The following LMBR1 variants were observed in gnomAD, a reference collection of about 807,000 sequenced individuals.
LMBR1 encodes the protein limb region 1 protein homolog.
In LMBR1, 52 loss-of-function variants were observed where a neutral mutation model predicts 73.9. The observed-to-expected ratio is 0.70, with a 90% CI of 0.56 to 0.89. The LOEUF (loss-of-function observed/expected upper bound fraction) is 0.89, where lower values mean the gene tolerates loss of function less well. LMBR1 is among the 40% of genes least tolerant of loss of function. The pLI is 0.00. For synonymous variants in LMBR1, 215 were observed against 209.4 expected, an observed-to-expected ratio of 1.03 and a Z score of -0.23; for missense variants, 539 against 579.8, an observed-to-expected ratio of 0.93 and a Z score of 0.72.
At chr7:156,781,430 T>A (rs960642610) in intron 5 of LMBR1, among the ~76,000 whole-genome samples, 8 of 152,122 alleles carry the variant, frequency 5.3e-5, no homozygotes, top group Non-Finnish European at 7.3e-5. Context: ...GGTTTCCACA[T>A]TTCCTGCATC....
intron 4 of LMBR1, among the ~76,000 whole-genome samples, chr7:156,802,197 G>A (rs1408984087): frequency 6.6e-6 from 1 of 152,190 alleles, no homozygotes; most frequent in Non-Finnish European, 1.5e-5. Context: ...TGGCTGGGCT[G>A]CTCTTGAACC....
chr7:156,841,373 C>G (rs1484457465), intron 1 of LMBR1, among the ~76,000 whole-genome samples: 2 of 152,046 alleles, frequency 1.3e-5, no homozygotes, highest in Admixed American at 6.6e-5. Flanking sequence ...TTTTTAAAAC[C>G]TTAGAATCAT....
downstream of LMBR1, chr7:156,676,347 A>G (rs2131780468): frequency 2.5e-6 from 4 of 1,613,518 alleles, no homozygotes; most frequent in South Asian, 1.1e-5. Context: ...CATGGTTCGC[A>G]TTTCAGTTTA....
intron 4 of LMBR1, among the ~76,000 whole-genome samples, chr7:156,798,875 A>C (rs1332318904): frequency 6.6e-6 from 1 of 152,054 alleles, no homozygotes. Context: ...AATATCTCAT[A>C]GTCTTTTTAA....
chr7:156,874,399 C>T (rs1315053783), intron 1 of LMBR1, among the ~76,000 whole-genome samples: 2 of 152,252 alleles, frequency 1.3e-5, no homozygotes, highest in African/African-American at 2.4e-5. Context: ...CACACCTCCC[C>T]GCAAGCGAGG....
rs1316339954 is a variant in LMBR1, at chr7:156,681,819, C to G, written c.*2259G>C. 6.6e-6 allele frequency: 1 copy of G among 152,278 alleles called. No individual in the cohort carries two copies. Among genetic ancestry groups the G allele is most frequent in the African/African-American group, 2.4e-5 (1 of 41,472 alleles). The allele number at this position is 152,278 out of a possible 1,614,324, so 9.4% of individuals were successfully genotyped here. A position where few individuals can be genotyped will look rare whatever the true frequency, so the allele number is the denominator to read the frequency against. On this transcript the variant is annotated 3_prime_UTR_variant, in exon 17 of 17. Coordinates refer to ENST00000353442, the MANE Select transcript of LMBR1 (RefSeq NM_022458.4). ...AGTAAAATGAGGACCCCCAGAGCGA[C>G]TGTCCTTACCAGGACTCAGAACGTT... is the stretch of plus-strand genomic sequence containing the variant.
chr7:156,719,872 T>C (rs1360568392), intron 15 of LMBR1, among the ~76,000 whole-genome samples: 12 of 152,268 alleles, frequency 7.9e-5, no homozygotes, highest in African/African-American at 2.9e-4. Context: ...CCCTATTTAA[T>C]AGATGGTGCT....
intron 4 of LMBR1, among the ~76,000 whole-genome samples, chr7:156,671,427 C>G (rs1488314435): frequency 2.6e-5 from 4 of 152,198 alleles, no homozygotes; most frequent in Non-Finnish European, 4.4e-5. Context: ...GAAAGAGATT[C>G]TAAAGCAAAG....
At chr7:156,881,832 A>G (rs1801141346) in intron 1 of LMBR1, among the ~76,000 whole-genome samples, 1 of 152,100 alleles carries the variant, frequency 6.6e-6, no homozygotes, top group Admixed American at 6.6e-5. Flanking sequence ...GAAGACGACA[A>G]GTGTTGACAA....
intron 5 of LMBR1, among the ~76,000 whole-genome samples, chr7:156,783,996 CT>C (rs1352301078): frequency 1.3e-3 from 174 of 135,654 alleles, no homozygotes; most frequent in Non-Finnish European, 2.1e-3. Context: ...GGGTTTTTTT[CT>C]GTTTTTTTTT....
At chr7:156,716,394 A>C (rs1238703739) in intron 15 of LMBR1, among the ~76,000 whole-genome samples, 1 of 152,226 alleles carries the variant, frequency 6.6e-6, no homozygotes, top group Non-Finnish European at 1.5e-5. Context: ...TCTGGAGGCA[A>C]ATTAAATTTA....
At chr7:156,743,697 T>C (rs1819322248) in intron 9 of LMBR1, among the ~76,000 whole-genome samples, 2 of 152,242 alleles carry the variant, frequency 1.3e-5, no homozygotes, top group Admixed American at 1.3e-4. Context: ...TTTATCCTTT[T>C]TGCCCATGTT....
chr7:156,846,921 T>A (rs1418133512), intron 1 of LMBR1, among the ~76,000 whole-genome samples: 1 of 152,122 alleles, frequency 6.6e-6, no homozygotes, highest in African/African-American at 2.4e-5. Context: ...AATGTACACA[T>A]ACATGCACTG....
intron 1 of LMBR1, among the ~76,000 whole-genome samples, chr7:156,852,958 A>G (rs1324945244): frequency 1.3e-5 from 2 of 148,850 alleles, no homozygotes; most frequent in South Asian, 4.2e-4. Flanking sequence ...TTTTTTTTTG[A>G]GACAGAGTCT....
intron 1 of LMBR1, among the ~76,000 whole-genome samples, chr7:156,839,589 TGAA>T (rs1282399155): frequency 6.6e-6 from 1 of 152,204 alleles, no homozygotes; most frequent in East Asian, 1.9e-4. Flanking sequence ...TGTGTATTTC[TGAA>T]GAAGTACTGG....
At chr7:156,831,344 C>G (rs1463201083) in intron 3 of LMBR1, among the ~76,000 whole-genome samples, 1 of 142,810 alleles carries the variant, frequency 7.0e-6, no homozygotes, top group Non-Finnish European at 1.5e-5. Flanking sequence ...GGTGAGAACT[C>G]TGTTTTACAT....
intron 10 of LMBR1, among the ~76,000 whole-genome samples, chr7:156,730,232 C>T (rs1816588996): frequency 1.3e-5 from 2 of 152,134 alleles, no homozygotes; most frequent in East Asian, 1.9e-4. Flanking sequence ...TGCCACTTTC[C>T]CTTCAAGACA....
At chr7:156,684,189 A>AGAAATGATAT in intron 16 of LMBR1, 26 bp from the exon 17 acceptor site, 1 of 1,556,066 alleles carries the variant, frequency 6.4e-7, no homozygotes, top group Non-Finnish European at 8.9e-7. Flanking sequence ...GAAAATGGTG[A>AGAAATGATAT]GAAATGATAT....
At chr7:156,844,748 G>A (rs1278087927) in intron 1 of LMBR1, among the ~76,000 whole-genome samples, 1 of 152,132 alleles carries the variant, frequency 6.6e-6, no homozygotes, top group African/African-American at 2.4e-5. Context: ...CCACTGGGAT[G>A]CATGTCCTAC....
Sources: gnomAD v4.1 joint callset for allele counts (sites outside exome capture counted in the v4.1 genomes callset) on GRCh38, gnomAD v4.1.1 for gene constraint, MANE v1.5 for transcripts, NCBI Gene and HGNC (gene_info 2026-07-23, HGNC 2026-07-21) for gene names.